Variants in NDUFAF6 observed in about 807,000 individuals in gnomAD.
NDUFAF6 encodes the protein NADH:ubiquinone oxidoreductase complex assembly factor 6, also known as NADH dehydrogenase (ubiquinone) complex I, assembly factor 6.
Under a neutral mutation model 40.8 loss-of-function variants are expected in NDUFAF6, and 45 were observed. That is an observed-to-expected ratio of 1.10 (90% CI 0.87 to 1.42). The LOEUF is 1.42. Ranked by LOEUF, NDUFAF6 falls within the 40% of genes most tolerant of loss-of-function variation. The pLI is 0.00. For synonymous variants in NDUFAF6, 185 were observed against 155.9 expected, an observed-to-expected ratio of 1.19 and a Z score of -1.39; for missense variants, 435 against 418.5, an observed-to-expected ratio of 1.04 and a Z score of -0.34.
At chr8:95,107,695 T>C (rs1432860465), downstream of NDUFAF6, among the ~76,000 whole-genome samples, 1 of 152,214 alleles carries the variant, frequency 6.6e-6, no homozygotes, top group Non-Finnish European at 1.5e-5. Flanking sequence ...AGTAAAGCTA[T>C]TATTAAAAAG....
downstream of NDUFAF6, among the ~76,000 whole-genome samples, chr8:95,106,421 C>G (rs1216861277): frequency 6.6e-6 from 1 of 152,128 alleles, no homozygotes; most frequent in East Asian, 1.9e-4. Flanking sequence ...GGAAAACTGG[C>G]TAGCCATATG....
At chr8:94,978,678 T>C (rs1207042257) in intron 1 of NDUFAF6, among the ~76,000 whole-genome samples, 3 of 151,730 alleles carry the variant, frequency 2.0e-5, no homozygotes, top group Admixed American at 6.6e-5. Context: ...CATTCCACTT[T>C]GCTGTAACCT....
chr8:94,953,805 G>T (rs1487852562), upstream of NDUFAF6, among the ~76,000 whole-genome samples: 3 of 41,124 alleles, frequency 7.3e-5, no homozygotes, highest in Non-Finnish European at 1.6e-4. Context: ...CTCGTTTATT[G>T]GATTCTTTTT....
intron 2 of NDUFAF6, chr8:95,034,571 T>C (rs1165435955): frequency 6.5e-6 from 1 of 152,980 alleles, no homozygotes; most frequent in Non-Finnish European, 1.5e-5. Flanking sequence ...ATACTATTCC[T>C]TTTAAGAATT....
intron 2 of NDUFAF6, among the ~76,000 whole-genome samples, chr8:95,081,964 T>G (rs1288541786): frequency 6.6e-6 from 1 of 152,134 alleles, no homozygotes; most frequent in Non-Finnish European, 1.5e-5. Context: ...TATGGGAGGC[T>G]GAAGCGGGAG....
chr8:94,955,913 C>A (rs1224241933), upstream of NDUFAF6, among the ~76,000 whole-genome samples: 3 of 152,176 alleles, frequency 2.0e-5, no homozygotes, highest in Admixed American at 6.5e-5. Flanking sequence ...AGTTACTTTA[C>A]CTGCTCAAAC....
chr8:95,024,097 T>G (rs986634541), upstream of NDUFAF6, among the ~76,000 whole-genome samples: 3 of 152,218 alleles, frequency 2.0e-5, no homozygotes, highest in Non-Finnish European at 4.4e-5. Flanking sequence ...AGGTTTACAT[T>G]GAAAATTTTG....
chr8:94,930,529 G>A (rs1244986186), intron 1 of NDUFAF6: 1 of 1,614,084 alleles, frequency 6.2e-7, no homozygotes, highest in Non-Finnish European at 8.5e-7. Flanking sequence ...CAGCCATTGT[G>A]CTTGACTTGC....
At chr8:94,955,147 T>C (rs1424691692), upstream of NDUFAF6, among the ~76,000 whole-genome samples, 2 of 152,214 alleles carry the variant, frequency 1.3e-5, no homozygotes, top group African/African-American at 4.8e-5. Context: ...GCCTGGCACA[T>C]GTAGGTCTTT....
chr8:95,043,153 C>T (rs10110857), intron 4 of NDUFAF6, among the ~76,000 whole-genome samples: 3,070 of 148,802 alleles, frequency 0.021, 51 homozygotes, highest in Non-Finnish European at 0.027. Context: ...GACACGATCT[C>T]GGCTCACTGC....
At chr8:95,085,947 G>T (rs1809031504) in intron 2 of NDUFAF6, among the ~76,000 whole-genome samples, 1 of 152,138 alleles carries the variant, frequency 6.6e-6, no homozygotes, top group Non-Finnish European at 1.5e-5. Flanking sequence ...CCTAGTATTT[G>T]TGTTGCAGTG....
chr8:95,042,516 C>T (rs1830257967), intron 4 of NDUFAF6, among the ~76,000 whole-genome samples: 1 of 152,110 alleles, frequency 6.6e-6, no homozygotes, highest in Non-Finnish European at 1.5e-5. Context: ...TGAAAAATAA[C>T]ACTTGGCTTT....
chr8:95,060,966 C>G (rs1832557751), downstream of NDUFAF6, among the ~76,000 whole-genome samples: 1 of 152,016 alleles, frequency 6.6e-6, no homozygotes. Flanking sequence ...GGATGCTTCA[C>G]CGGCTTGGCA....
chr8:95,012,371 A>C (rs1348844119), intron 2 of NDUFAF6, among the ~76,000 whole-genome samples: 1 of 152,228 alleles, frequency 6.6e-6, no homozygotes, highest in East Asian at 1.9e-4. Context: ...GTAAAGACAC[A>C]GTCCCCTGCC....
intron 1 of NDUFAF6, 67 bp downstream of exon 1, chr8:95,025,272 C>G (rs953530731): frequency 1.5e-6 from 2 of 1,314,708 alleles, no homozygotes; most frequent in Non-Finnish European, 9.7e-7. Context: ...GGCTGCGCCT[C>G]GCGTCTGGCC....
chr8:95,086,861 C>A (rs377658938), intron 2 of NDUFAF6, among the ~76,000 whole-genome samples: 36 of 152,272 alleles, frequency 2.4e-4, no homozygotes, highest in African/African-American at 7.5e-4. Context: ...CCTCCGCCCC[C>A]CAAAGTGCTG....
intron 2 of NDUFAF6, chr8:94,950,068 GC>G (rs1822448292): frequency 6.6e-6 from 1 of 152,276 alleles, no homozygotes; most frequent in African/African-American, 2.4e-5. Context: ...GCGAGACCAG[GC>G]CTGAAGGCAG....
chr8:95,084,250 T>G (rs1287055743), intron 2 of NDUFAF6, among the ~76,000 whole-genome samples: 2 of 152,112 alleles, frequency 1.3e-5, no homozygotes, highest in African/African-American at 2.4e-5. Context: ...TTAATGAATT[T>G]TTAAGTCCCC....
chr8:94,977,273 A>C (rs1413646428), intron 1 of NDUFAF6, among the ~76,000 whole-genome samples: 1 of 151,778 alleles, frequency 6.6e-6, no homozygotes, highest in East Asian at 1.9e-4. Flanking sequence ...GTGCTTTGGG[A>C]GGCCAAGGTG....
Sources: gnomAD v4.1 joint callset for allele counts (sites outside exome capture counted in the v4.1 genomes callset) on GRCh38, gnomAD v4.1.1 for gene constraint, MANE v1.5 for transcripts, NCBI Gene and HGNC (gene_info 2026-07-23, HGNC 2026-07-21) for gene names.